RPS6KC1: variants seen among roughly 807,000 people sequenced by gnomAD.
The protein encoded by RPS6KC1 is inactive ribosomal protein S6 kinase delta-1.
Under a neutral mutation model 103.8 loss-of-function variants are expected in RPS6KC1, and 54 were observed. That is an observed-to-expected ratio of 0.52 (90% CI 0.42 to 0.65). RPS6KC1 has a LOEUF of 0.65. RPS6KC1 is among the 30% of genes least tolerant of loss of function. The pLI, the probability that RPS6KC1 is intolerant of heterozygous loss-of-function variation, is 0.00. For missense variants in RPS6KC1, 1,151 were observed against 1,253.8 expected (o/e 0.92, Z 1.24); for synonymous variants, 439 against 438.7 (o/e 1.00, Z -0.01).
the RPS6KC1 span, among the ~76,000 whole-genome samples, chr1:213,847,707 G>A: frequency 1.3e-5 from 2 of 152,060 alleles, no homozygotes; most frequent in Non-Finnish European, 2.9e-5. Context: ...TGCATCCCTT[G>A]TTGATGTCTA....
chr1:213,258,490 A>G (rs1037881687), intron 12 of RPS6KC1, among the ~76,000 whole-genome samples: 2 of 152,234 alleles, frequency 1.3e-5, no homozygotes. Flanking sequence ...ATAATTTAAC[A>G]GTGTGGCCAA....
chr1:213,841,014 G>A, the RPS6KC1 span: 1 of 152,136 alleles, frequency 6.6e-6, no homozygotes, highest in Non-Finnish European at 1.5e-5. Flanking sequence ...AGTCTTTTAG[G>A]CTGCCCCTCT....
At chr1:213,797,200 A>C in the RPS6KC1 span, among the ~76,000 whole-genome samples, 1 of 152,156 alleles carries the variant, frequency 6.6e-6, no homozygotes, top group Non-Finnish European at 1.5e-5. Context: ...AGAACTAAAC[A>C]CTCAGGATTC....
At chr1:213,669,423 A>G in the RPS6KC1 span, among the ~76,000 whole-genome samples, 2 of 152,294 alleles carry the variant, frequency 1.3e-5, no homozygotes, top group South Asian at 4.1e-4. Flanking sequence ...TCACCATCTT[A>G]TATAAGTACA....
At chr1:213,328,738 C>T in the RPS6KC1 span, among the ~76,000 whole-genome samples, 1 of 151,766 alleles carries the variant, frequency 6.6e-6, no homozygotes, top group Non-Finnish European at 1.5e-5. Flanking sequence ...ACACACTGTC[C>T]TGTGTCATTT....
intron 1 of RPS6KC1, among the ~76,000 whole-genome samples, chr1:213,053,094 TG>T (rs2148246980): frequency 6.6e-6 from 1 of 152,342 alleles, no homozygotes; most frequent in African/African-American, 2.4e-5. Flanking sequence ...TAAGAAATTT[TG>T]TGAGAGTGAG....
At chr1:213,107,052 C>T (rs1402776920) in intron 4 of RPS6KC1, among the ~76,000 whole-genome samples, 1 of 152,112 alleles carries the variant, frequency 6.6e-6, no homozygotes, top group Non-Finnish European at 1.5e-5. Flanking sequence ...AGCTATTCTC[C>T]TGCCTCGGCC....
the RPS6KC1 span, among the ~76,000 whole-genome samples, chr1:213,614,698 T>C: frequency 6.6e-6 from 1 of 152,132 alleles, no homozygotes; most frequent in African/African-American, 2.4e-5. Flanking sequence ...ATGATGGCAA[T>C]GGGAGAGAGC....
the RPS6KC1 span, among the ~76,000 whole-genome samples, chr1:213,732,815 T>C: frequency 0.015 from 2,320 of 152,276 alleles, 28 homozygotes; most frequent in Middle Eastern, 0.024. Context: ...CCCTCCCCAA[T>C]CTCAGCCCCT....
the RPS6KC1 span, among the ~76,000 whole-genome samples, chr1:213,628,794 G>C: frequency 6.6e-6 from 1 of 152,028 alleles, no homozygotes; most frequent in African/African-American, 2.4e-5. Flanking sequence ...GTTTGTTCTC[G>C]TTGGTTTCAA....
chr1:213,693,070 A>C, the RPS6KC1 span, among the ~76,000 whole-genome samples: 2 of 152,236 alleles, frequency 1.3e-5, no homozygotes, highest in South Asian at 4.1e-4. Flanking sequence ...CAAGAAAAAA[A>C]CCCCAAATCT....
chr1:213,332,931 G>T, the RPS6KC1 span, among the ~76,000 whole-genome samples: 1 of 152,154 alleles, frequency 6.6e-6, no homozygotes, highest in Non-Finnish European at 1.5e-5. Context: ...AGAAACTCAG[G>T]GTTCCAAGGG....
At chr1:213,679,248 C>G in the RPS6KC1 span, among the ~76,000 whole-genome samples, 2 of 152,300 alleles carry the variant, frequency 1.3e-5, no homozygotes, top group East Asian at 3.9e-4. Flanking sequence ...TTTCAACATC[C>G]TTTTGCAAAA....
At chr1:213,649,082 C>T in the RPS6KC1 span, among the ~76,000 whole-genome samples, 67 of 152,126 alleles carry the variant, frequency 4.4e-4, no homozygotes, top group African/African-American at 7.7e-4. Flanking sequence ...GAGGAAGAGG[C>T]GGCATCCTCC....
chr1:213,448,768 C>CA, the RPS6KC1 span, among the ~76,000 whole-genome samples: 329 of 131,842 alleles, frequency 2.5e-3, 1 homozygote, highest in African/African-American at 6.7e-3. Context: ...CAATCTGTTA[C>CA]AAAAAAAAAA....
the RPS6KC1 span, among the ~76,000 whole-genome samples, chr1:213,392,789 C>T: frequency 2.6e-5 from 4 of 152,310 alleles, no homozygotes; most frequent in African/African-American, 9.6e-5. Context: ...GCAATACCAA[C>T]GCATGCATCT....
At chr1:213,513,091 G>T in the RPS6KC1 span, among the ~76,000 whole-genome samples, 7 of 152,306 alleles carry the variant, frequency 4.6e-5, no homozygotes, top group East Asian at 3.9e-4. Context: ...GCCATCACAG[G>T]TTCTTAAATA....
At chr1:213,066,834 G>A (rs2078374395) in intron 1 of RPS6KC1, among the ~76,000 whole-genome samples, 1 of 152,154 alleles carries the variant, frequency 6.6e-6, no homozygotes, top group Non-Finnish European at 1.5e-5. Flanking sequence ...GTGAATTTCA[G>A]TTTATTTAAT....
the RPS6KC1 span, among the ~76,000 whole-genome samples, chr1:213,827,047 ACT>A: frequency 6.6e-6 from 1 of 152,082 alleles, no homozygotes; most frequent in Non-Finnish European, 1.5e-5. Context: ...GGCTTGAGTA[ACT>A]CTGAGGTTGT....
Sources: allele counts gnomAD v4.1 joint callset (sites outside exome capture counted in the v4.1 genomes callset), GRCh38; gene constraint gnomAD v4.1.1; transcripts MANE v1.5; gene names NCBI Gene and HGNC (gene_info 2026-07-23, HGNC 2026-07-21).